KANSL2: variants seen among roughly 807,000 people sequenced by gnomAD.
KANSL2 encodes NSL complex protein NSL2.
A neutral mutation model predicts 55.6 loss-of-function variants in KANSL2; 34 were observed. That is an observed-to-expected ratio of 0.61 (90% CI 0.46 to 0.81). The LOEUF is 0.81. Ranked by LOEUF, KANSL2 falls within the 40% of genes least tolerant of loss-of-function variation. The probability of loss-of-function intolerance (pLI) is 0.00; values close to 1 mark genes in which losing one functional copy is unlikely to be tolerated. For missense variants in KANSL2, 502 were observed against 609.9 expected (o/e 0.82, Z 1.86); for synonymous variants, 209 against 214.3 (o/e 0.98, Z 0.22).
At chr12:48,666,117 G>A (rs1939593021) in intron 7 of KANSL2, among the ~76,000 whole-genome samples, 1 of 152,086 alleles carries the variant, frequency 6.6e-6, no homozygotes, top group South Asian at 2.1e-4. Flanking sequence ...TGGTGGCTGA[G>A]GTGGGAAGAT....
At chr12:48,658,895 CA>C (rs1156605516) in intron 8 of KANSL2, among the ~76,000 whole-genome samples, 1 of 152,218 alleles carries the variant, frequency 6.6e-6, no homozygotes, top group Non-Finnish European at 1.5e-5. Context: ...ATCCTTGCAT[CA>C]AAGCACAGAA....
At chr12:48,664,874 G>A (rs1440352296) in intron 7 of KANSL2, among the ~76,000 whole-genome samples, 4 of 134,290 alleles carry the variant, frequency 3.0e-5, no homozygotes, top group Admixed American at 1.5e-4. Flanking sequence ...GAGCCACTGC[G>A]CCCGCTTTTT....
At chr12:48,682,165 G>A (rs1374165269) in intron 1 of KANSL2, 22 bp downstream of exon 1, 11 of 699,042 alleles carry the variant, frequency 1.6e-5, no homozygotes, top group African/African-American at 3.5e-5. Flanking sequence ...AGAGCTTAGA[G>A]GAAAGAGCAC....
intron 7 of KANSL2, chr12:48,662,589 C>A (rs1221167503): frequency 1.6e-6 from 2 of 1,285,562 alleles, no homozygotes; most frequent in Non-Finnish European, 2.0e-6. Flanking sequence ...CACTTTCAGT[C>A]GAGTGCTGTC....
At chr12:48,658,509 C>T (rs1939431340) in intron 8 of KANSL2, 1 of 152,110 alleles carries the variant, frequency 6.6e-6, no homozygotes, top group African/African-American at 2.4e-5. Context: ...AATCTCAGCA[C>T]TTTGGGGAAG....
At chr12:48,671,777 T>C (rs1365767722) in intron 5 of KANSL2, 22 bp downstream of exon 5, 3 of 1,593,074 alleles carry the variant, frequency 1.9e-6, no homozygotes, top group South Asian at 2.2e-5. Context: ...CAACAGCTTG[T>C]TGGAACTGGC....
At chr12:48,680,142 C>G (rs1939894418) in intron 2 of KANSL2, 1 of 228,380 alleles carries the variant, frequency 4.4e-6, no homozygotes, top group East Asian at 9.9e-5. Context: ...TCACTGTAGC[C>G]TTAAACTGCT....
rs1592104097 is a variant in KANSL2 at position 48,669,167 on chromosome 12, G to C, written c.815C>G (p.Ala272Gly). 1 of 1,552,094 alleles carries C rather than the reference G, an allele frequency of 6.4e-7. No individual in the cohort carries two copies. Among genetic ancestry groups the C allele is most frequent in the African/African-American group, 1.4e-5 (1 of 73,234 alleles). ...RRYRQRYGVE[A>G]LLHRQLKERR... ...TTCCTTCAACTGCCTATGCAGTAAG[G>C]CTTCCACTCCATAGCGCTGGCGGTA... The change falls in exon 6 of 10, where the codon GCC becomes GGC. Residue 272 changes from alanine to glycine, a missense_variant. Coordinates refer to ENST00000420613, the MANE Select transcript of KANSL2 (RefSeq NM_017822.4).
rs1488709214 is a variant in KANSL2, at chr12:48,661,800, A to G, written c.974-1181T>C. 2.0e-5 allele frequency among the ~76,000 whole-genome samples: 3 copies of G among 152,338 alleles called. No individual in the cohort carries two copies. In the East Asian group the frequency reaches 5.8e-4, roughly 29 times the overall value. On this transcript the variant is annotated intron_variant, in intron 7 of 9. Transcript: ENST00000420613. ...TACATCTTTGTTGGAAGAAGGATGT[A>G]TAGCAGCATTCCTGGCCTCTATCCA...
chr12:48,667,262 G>A (rs1416918573), intron 7 of KANSL2, among the ~76,000 whole-genome samples: 1 of 152,106 alleles, frequency 6.6e-6, no homozygotes, highest in Non-Finnish European at 1.5e-5. Flanking sequence ...AGTTCACAGT[G>A]CAAAATCATC....
chr12:48,653,396 A>C lies in KANSL2; in HGVS notation c.*648T>G, dbSNP rs1170602091. The C allele has an allele frequency of 6.6e-6, 1 of 152,602 alleles. No individual in the cohort carries two copies. The highest frequency in any genetic ancestry group is 1.5e-5 in the Non-Finnish European group (1 of 68,032). 9.5% of individuals were successfully genotyped at this position (152,602 alleles called of 1,614,324 possible). A position where few individuals can be genotyped will look rare whatever the true frequency, so the allele number is the denominator to read the frequency against. ...GAAAAAGAAACTATATTCTCAAACA[A>C]AACATGCATTCAATTCAGGTGACTG... On this transcript the variant is annotated 3_prime_UTR_variant, in exon 10 of 10. Coordinates refer to ENST00000420613, the MANE Select transcript of KANSL2 (RefSeq NM_017822.4).
intron 8 of KANSL2, among the ~76,000 whole-genome samples, chr12:48,656,334 C>G (rs940816145): frequency 6.7e-6 from 1 of 150,016 alleles, no homozygotes; most frequent in Non-Finnish European, 1.5e-5. Flanking sequence ...AGTGCAGTGA[C>G]GTGATCTCGG....
chr12:48,661,640 A>C (rs1274539121), intron 7 of KANSL2, among the ~76,000 whole-genome samples: 1 of 152,236 alleles, frequency 6.6e-6, no homozygotes, highest in African/African-American at 2.4e-5. Context: ...AAATAAAAAA[A>C]CTAACATACA....
intron 2 of KANSL2, 96 bp from the exon 3 acceptor site, chr12:48,679,929 A>G: frequency 9.3e-7 from 1 of 1,078,118 alleles, no homozygotes; most frequent in Non-Finnish European, 1.3e-6. Flanking sequence ...TTAGGGAATT[A>G]AAATGACTAT....
At chr12:48,669,941 C>T (rs1410763612) in intron 5 of KANSL2, among the ~76,000 whole-genome samples, 1 of 152,126 alleles carries the variant, frequency 6.6e-6, no homozygotes, top group Non-Finnish European at 1.5e-5. Context: ...TGGCTCACAC[C>T]TGTAATCCCA....
Position 48,681,416 on chromosome 12 carries a change from G to C in KANSL2, c.217C>G (p.Pro73Ala). The change falls in exon 2 of 10, where the codon CCC (proline) becomes GCC (alanine). Residue 73 changes from proline to alanine, a missense_variant. Physicochemically the swap from Pro to Ala is conservative, Grantham distance 27. Transcript: ENST00000420613. ...YISTKNGKRC[P>A]NAAPKPEKKD... ...TTCTCTGGCTTTGGGGCAGCATTGG[G>C]ACATCTTTTTCCATTCTTCGTCGAT... 6.2e-7 allele frequency: 1 copy of C among 1,613,820 alleles called. No homozygotes were observed. Among genetic ancestry groups the C allele is most frequent in the Non-Finnish European group, 8.5e-7 (1 of 1,179,822 alleles).
At chr12:48,657,523 C>G (rs910283583) in intron 8 of KANSL2, among the ~76,000 whole-genome samples, 7 of 152,224 alleles carry the variant, frequency 4.6e-5, no homozygotes, top group Non-Finnish European at 8.8e-5. Context: ...TTGGAAACTT[C>G]TGTACTACCC....
intron 7 of KANSL2, among the ~76,000 whole-genome samples, chr12:48,667,098 C>T (rs1592102726): frequency 6.6e-6 from 1 of 150,562 alleles, no homozygotes; most frequent in South Asian, 2.1e-4. Flanking sequence ...ACTCGGGAGG[C>T]GGAGGGTGCA....
At chr12:48,678,544 A>G (rs995853095) in intron 4 of KANSL2, among the ~76,000 whole-genome samples, 57 of 152,246 alleles carry the variant, frequency 3.7e-4, no homozygotes, top group African/African-American at 1.4e-3. Context: ...CACAAGGTTT[A>G]CAAGTATCCA....
Sources: gnomAD v4.1 joint callset for allele counts (sites outside exome capture counted in the v4.1 genomes callset) on GRCh38, gnomAD v4.1.1 for gene constraint, MANE v1.5 for transcripts, NCBI Gene and HGNC (gene_info 2026-07-23, HGNC 2026-07-21) for gene names.